SNTG2: variants seen among roughly 807,000 people sequenced by gnomAD.
The protein encoded by SNTG2 is syntrophin gamma 2.
A neutral mutation model predicts 70.9 loss-of-function variants in SNTG2; 74 were observed. That is an observed-to-expected ratio of 1.04 (90% CI 0.86 to 1.27). The LOEUF is 1.27. SNTG2 is among the 50% of genes most tolerant of loss of function. The pLI, the probability that SNTG2 is intolerant of heterozygous loss-of-function variation, is 0.00. For missense variants in SNTG2, 717 were observed against 690.7 expected (o/e 1.04, Z -0.43); for synonymous variants, 278 against 273.8 (o/e 1.02, Z -0.15).
At chr2:1,191,536 C>G (rs1672592738) in intron 8 of SNTG2, among the ~76,000 whole-genome samples, 1 of 152,186 alleles carries the variant, frequency 6.6e-6, no homozygotes, top group South Asian at 2.1e-4. Flanking sequence ...TGGCTCACAC[C>G]TGTAATCCCA....
At chr2:1,221,156 G>A (rs1674735677) in intron 9 of SNTG2, among the ~76,000 whole-genome samples, 1 of 152,184 alleles carries the variant, frequency 6.6e-6, no homozygotes, top group Admixed American at 6.5e-5. Context: ...CGCTTTCTCT[G>A]GGGCAGTGGT....
chr2:993,523 G>A (rs1030395107), intron 1 of SNTG2, among the ~76,000 whole-genome samples: 4 of 152,014 alleles, frequency 2.6e-5, no homozygotes, highest in African/African-American at 9.7e-5. Context: ...AAAACTATGA[G>A]TGGAATTACT....
At position 1,031,536 on chromosome 2, in the gene SNTG2, T is replaced by A. The variant is rs1447694499; in HGVS notation, c.73-51982T>A. 9.7e-3 allele frequency among the ~76,000 whole-genome samples: 481 copies of A among 49,756 alleles called. 6 individuals carry two copies. The highest frequency in any genetic ancestry group is 0.048 in the East Asian group (125 of 2,624). The allele number at this position is 49,756 out of a possible 152,430, so 32.6% of individuals were successfully genotyped here. A position where few individuals can be genotyped will look rare whatever the true frequency, so the allele number is the denominator to read the frequency against. On this transcript the variant is annotated intron_variant, in intron 1 of 16. Coordinates refer to ENST00000308624, the MANE Select transcript of SNTG2 (RefSeq NM_018968.4). ...TATATATATATATATATATTTTTTT[T>A]TTTTTTTTTTTTGAGGCGAAATCTC...
intron 8 of SNTG2, among the ~76,000 whole-genome samples, chr2:1,195,745 T>G (rs1029589820): frequency 3.3e-5 from 5 of 152,238 alleles, no homozygotes; most frequent in Non-Finnish European, 7.3e-5. Flanking sequence ...CATTTGTCTA[T>G]TTTGGCTTTT....
chr2:1,125,567 G>T (rs62107423), intron 4 of SNTG2, among the ~76,000 whole-genome samples: 18,068 of 152,090 alleles, frequency 0.12, 1,114 homozygotes, highest in Admixed American at 0.15. Context: ...AAACAGAATT[G>T]TTTTCTAAGA....
chr2:1,093,175 C>T (rs368406917), intron 2 of SNTG2, among the ~76,000 whole-genome samples: 64 of 152,226 alleles, frequency 4.2e-4, no homozygotes, highest in African/African-American at 1.4e-3. Context: ...TAATGAGCCT[C>T]GGGGCAGCTC....
At chr2:1,273,766 T>C (rs1387130947) in intron 14 of SNTG2, among the ~76,000 whole-genome samples, 8 of 151,790 alleles carry the variant, frequency 5.3e-5, no homozygotes, top group Admixed American at 4.6e-4. Context: ...ATTTCTCAGA[T>C]ACAAAACCAG....
At chr2:1,041,629 C>G (rs569513164) in intron 1 of SNTG2, among the ~76,000 whole-genome samples, 1 of 152,078 alleles carries the variant, frequency 6.6e-6, no homozygotes. Context: ...ATGAGCAGCA[C>G]CTCCCCTCCC....
chr2:1,326,329 T>C (rs1384737110), intron 16 of SNTG2, among the ~76,000 whole-genome samples: 1 of 152,138 alleles, frequency 6.6e-6, no homozygotes, highest in Non-Finnish European at 1.5e-5. Flanking sequence ...GAGGTCTTAA[T>C]GTTCAAAAAT....
At chr2:1,312,295 G>A (rs12475936) in intron 15 of SNTG2, among the ~76,000 whole-genome samples, 18 of 152,184 alleles carry the variant, frequency 1.2e-4, no homozygotes, top group East Asian at 3.9e-4. Flanking sequence ...CCACGCAGGC[G>A]GGTCTCCTGC....
At position 1,278,021 on chromosome 2, in the gene SNTG2, A is replaced by G. The variant is rs867431129; in HGVS notation, c.1284+10450A>G. Among the ~76,000 whole-genome samples the G allele has an allele frequency of 5.9e-5, 9 of 152,262 alleles. No homozygotes were observed. In the South Asian group the frequency reaches 1.0e-3, roughly 18 times the overall value. On this transcript the variant is annotated intron_variant, in intron 14 of 16. Coordinates refer to ENST00000308624, the MANE Select transcript of SNTG2 (RefSeq NM_018968.4). Reference sequence around the variant, plus strand: ...TCGTGGCAAGTATTAACTTCACCACATTACTAAAATGGTGATTATTTCATT... The same window carrying G: ...TCGTGGCAAGTATTAACTTCACCACGTTACTAAAATGGTGATTATTTCATT...
chr2:1,092,768 A>T (rs1665116343), intron 2 of SNTG2, among the ~76,000 whole-genome samples: 1 of 152,224 alleles, frequency 6.6e-6, no homozygotes, highest in Non-Finnish European at 1.5e-5. Context: ...TATCTATGTC[A>T]TAGAAAATAG....
At chr2:1,015,081 A>C (rs369830582) in intron 1 of SNTG2, among the ~76,000 whole-genome samples, 1 of 152,222 alleles carries the variant, frequency 6.6e-6, no homozygotes, top group African/African-American at 2.4e-5. Context: ...GCTGAGACGC[A>C]GGCGGGAAAC....
intron 14 of SNTG2, among the ~76,000 whole-genome samples, chr2:1,281,335 G>GTA: frequency 7.4e-6 from 1 of 135,592 alleles, no homozygotes; most frequent in Admixed American, 7.6e-5. Context: ...GTGTGTGTGT[G>GTA]TGGTGGTATG....
At chr2:1,051,754 G>A (rs549097781) in intron 1 of SNTG2, among the ~76,000 whole-genome samples, 354 of 152,324 alleles carry the variant, frequency 2.3e-3, no homozygotes, top group Non-Finnish European at 4.2e-3. Flanking sequence ...CGATCTGGAA[G>A]CAGATCTGCT....
chr2:1,320,534 C>CAAAAAAAAAAAAAAAA (rs35391780), intron 16 of SNTG2, among the ~76,000 whole-genome samples: 6 of 89,448 alleles, frequency 6.7e-5, no homozygotes, highest in African/African-American at 1.2e-4. Context: ...GACTCCTTCT[C>CAAAAAAAAAAAAAAAA]AAAAAAAAAA....
chr2:1,083,324 G>A (rs1664464019), intron 1 of SNTG2, among the ~76,000 whole-genome samples, 194 bp from the exon 2 acceptor site: 1 of 150,872 alleles, frequency 6.6e-6, no homozygotes, highest in African/African-American at 2.4e-5. Flanking sequence ...AACGGCTCAG[G>A]AACAATTATT....
intron 8 of SNTG2, among the ~76,000 whole-genome samples, chr2:1,190,301 T>A (rs553023429): frequency 6.6e-6 from 1 of 152,034 alleles, no homozygotes; most frequent in South Asian, 2.1e-4. Context: ...CTTTTAATCA[T>A]CTGTAGATTA....
At chr2:959,847 G>A (rs1368859361) in intron 1 of SNTG2, among the ~76,000 whole-genome samples, 2 of 151,604 alleles carry the variant, frequency 1.3e-5, no homozygotes, top group Non-Finnish European at 2.9e-5. Context: ...CATGGTATCC[G>A]TATCTCAGTA....
Sources: allele counts gnomAD v4.1 joint callset (sites outside exome capture counted in the v4.1 genomes callset), GRCh38; gene constraint gnomAD v4.1.1; transcripts MANE v1.5; gene names NCBI Gene and HGNC (gene_info 2026-07-23, HGNC 2026-07-21).